Variants in VIT observed in about 807,000 individuals in gnomAD.
VIT encodes vitrin.
In VIT, 99 loss-of-function variants were observed where a neutral mutation model predicts 78.0. The observed-to-expected ratio is 1.27, with a 90% CI of 1.08 to 1.50. VIT has a LOEUF of 1.50. Among genes scored for constraint, VIT ranks in the 40% most tolerant of loss-of-function variants. VIT has a pLI of 0.00. For synonymous variants in VIT, 374 were observed against 334.3 expected, an observed-to-expected ratio of 1.12 and a Z score of -1.29; for missense variants, 1,126 against 875.3, an observed-to-expected ratio of 1.29 and a Z score of -3.61.
chr2:36,736,946 C>G (rs1290248818), intron 3 of VIT, among the ~76,000 whole-genome samples: 1 of 152,168 alleles, frequency 6.6e-6, no homozygotes, highest in African/African-American at 2.4e-5. Context: ...ACGTATTACT[C>G]TAAGAGCTTT....
At chr2:36,792,943 G>A (rs983253339) in intron 12 of VIT, among the ~76,000 whole-genome samples, 1 of 152,116 alleles carries the variant, frequency 6.6e-6, no homozygotes. Flanking sequence ...CATCCTCTAA[G>A]ACATTGCTAC....
In VIT at chr2:36,805,581, G is replaced by A; in HGVS notation, c.1306G>A (p.Gly436Arg). Residue 436 changes from glycine to arginine, a missense_variant, in exon 14 of 16, where the codon GGA (glycine) becomes AGA (arginine). Physicochemically the swap from Gly to Arg is moderately radical, Grantham distance 125. Coordinates refer to ENST00000379242, the MANE Select transcript of VIT (RefSeq NM_053276.4). The part of the protein sequence containing the change: ...EEASRLARES[G>R]INIFFITIEG... The stretch of plus-strand genomic sequence containing the variant: ...GGCTTCAAGACTTGCGAGAGAGTCA[G>A]GAATCAACATTTTCTTCATCACCAT... 1 of 1,614,114 alleles carries A rather than the reference G, an allele frequency of 6.2e-7. No individual in the cohort carries two copies. Among genetic ancestry groups the A allele is most frequent in the Non-Finnish European group, 8.5e-7 (1 of 1,180,028 alleles).
chr2:36,744,901 C>G (rs1033230563), intron 4 of VIT, among the ~76,000 whole-genome samples: 1 of 152,092 alleles, frequency 6.6e-6, no homozygotes, highest in African/African-American at 2.4e-5. Context: ...AGACCAATGT[C>G]GAGAAGGGTA....
intron 12 of VIT, among the ~76,000 whole-genome samples, chr2:36,794,149 A>G (rs570453325): frequency 5.6e-4 from 86 of 152,324 alleles, no homozygotes; most frequent in Non-Finnish European, 9.7e-4. Flanking sequence ...CTTGCAGCGT[A>G]GCCATTTACT....
intron 9 of VIT, among the ~76,000 whole-genome samples, chr2:36,779,970 T>C (rs1664629248): frequency 2.0e-5 from 3 of 152,190 alleles, no homozygotes. Flanking sequence ...GGCTCCCAGT[T>C]GGTCTTTGGT....
intron 12 of VIT, 80 bp downstream of exon 12, chr2:36,787,356 C>T: frequency 6.6e-7 from 1 of 1,509,236 alleles, no homozygotes; most frequent in Non-Finnish European, 8.9e-7. Context: ...TAATTTTATG[C>T]CACAAATATT....
At chr2:36,762,909 G>A (rs1279319087) in intron 6 of VIT, among the ~76,000 whole-genome samples, 1 of 152,092 alleles carries the variant, frequency 6.6e-6, no homozygotes, top group Non-Finnish European at 1.5e-5. Flanking sequence ...CCACCACCGC[G>A]CCCCAACTGC....
intron 2 of VIT, among the ~76,000 whole-genome samples, chr2:36,722,393 C>A (rs1483927304): frequency 2.6e-5 from 4 of 152,162 alleles, no homozygotes; most frequent in African/African-American, 9.7e-5. Context: ...GGATGACCTC[C>A]AAAGCTCCTC....
chr2:36,703,851 G>A (rs1273201912), intron 1 of VIT, among the ~76,000 whole-genome samples: 1 of 151,530 alleles, frequency 6.6e-6, no homozygotes, highest in Non-Finnish European at 1.5e-5. Flanking sequence ...TAGAATTCTG[G>A]TTCTGCTATA....
intron 3 of VIT, among the ~76,000 whole-genome samples, chr2:36,737,341 C>T (rs1667570146): frequency 6.6e-6 from 1 of 152,108 alleles, no homozygotes; most frequent in African/African-American, 2.4e-5. Context: ...CCAGGCAACA[C>T]CAATCTGAGA....
intron 2 of VIT, among the ~76,000 whole-genome samples, chr2:36,723,579 A>C (rs1017138554): frequency 6.6e-6 from 1 of 152,240 alleles, no homozygotes; most frequent in Non-Finnish European, 1.5e-5. Context: ...TTTCAAGCTT[A>C]TTCATTTATA....
chr2:36,745,114 A>T (rs1408499478), intron 4 of VIT, among the ~76,000 whole-genome samples: 2 of 152,098 alleles, frequency 1.3e-5, no homozygotes, highest in African/African-American at 4.8e-5. Context: ...TTTGTGGACA[A>T]TCAGATAGTT....
chr2:36,801,683 C>G (rs1340608315), intron 13 of VIT, among the ~76,000 whole-genome samples: 1 of 151,140 alleles, frequency 6.6e-6, no homozygotes, highest in Non-Finnish European at 1.5e-5. Context: ...TGGCGGGTGC[C>G]TATAATCCCA....
intron 6 of VIT, among the ~76,000 whole-genome samples, chr2:36,766,794 G>C (rs1669456889): frequency 6.6e-6 from 1 of 152,222 alleles, no homozygotes. Flanking sequence ...ATTGCTAGTG[G>C]TGCCAGGCAA....
At chr2:36,731,316 C>T (rs1427080535) in intron 3 of VIT, among the ~76,000 whole-genome samples, 2 of 152,044 alleles carry the variant, frequency 1.3e-5, no homozygotes, top group East Asian at 3.8e-4. Flanking sequence ...ACTCTGTCGC[C>T]AGGCTGGAGT....
At chr2:36,774,903 A>C (rs1025019354) in intron 8 of VIT, 99 bp from the exon 9 acceptor site, 1 of 1,560,138 alleles carries the variant, frequency 6.4e-7, no homozygotes, top group African/African-American at 1.4e-5. Flanking sequence ...ACTTCCAAGG[A>C]AAATCTGAAC....
rs70946944 is a variant in VIT, at chr2:36,717,334, ATGTGTGTGTGTGTGTG to A, written c.52+958_52+973del. Among the ~76,000 whole-genome samples, 367 of 64,128 alleles carry A rather than the reference ATGTGTGTGTGTGTGTG, an allele frequency of 5.7e-3. 14 individuals are homozygous for A. The East Asian group carries it at 0.058, about 10-fold the overall frequency. 42.1% of individuals were successfully genotyped at this position (64,128 alleles called of 152,430 possible). A position where few individuals can be genotyped will look rare whatever the true frequency, so the allele number is the denominator to read the frequency against. On this transcript the variant is annotated intron_variant, in intron 2 of 15. Transcript: ENST00000379242. ...AGGCTCCCACCACCACGCCTGGCTA[ATGTGTGTGTGTGTGTG>A]TGTGTGTGTGTGTGTGTGTGTGTGT...
At chr2:36,773,470 T>C (rs9678937) in intron 7 of VIT, among the ~76,000 whole-genome samples, 142,975 of 152,168 alleles carry the variant, frequency 0.94, 67,796 homozygotes, top group East Asian at 1. Context: ...ATTGGCCGGG[T>C]GTGGTGGCTC....
intron 10 of VIT, 75 bp downstream of exon 10, chr2:36,781,846 T>A: frequency 4.5e-6 from 7 of 1,571,822 alleles, no homozygotes; most frequent in Non-Finnish European, 6.1e-6. Context: ...AGTCTAATAA[T>A]CCAGCTGGCA....
Sources: gnomAD v4.1 joint callset for allele counts (sites outside exome capture counted in the v4.1 genomes callset) on GRCh38, gnomAD v4.1.1 for gene constraint, MANE v1.5 for transcripts, NCBI Gene and HGNC (gene_info 2026-07-23, HGNC 2026-07-21) for gene names.